Variants in SUGCT observed in about 807,000 individuals in gnomAD.
SUGCT encodes the protein succinyl-CoA:glutarate-CoA transferase.
A neutral mutation model predicts 55.0 loss-of-function variants in SUGCT; 41 were observed. That is an observed-to-expected ratio of 0.74 (90% CI 0.58 to 0.97). SUGCT has a LOEUF of 0.97. Ranked by LOEUF, SUGCT falls within the 50% of genes least tolerant of loss-of-function variation. The pLI is 0.00. For missense variants in SUGCT, 568 were observed against 547.8 expected, an observed-to-expected ratio of 1.04 and a Z score of -0.37; for synonymous variants, 187 against 200.4, an observed-to-expected ratio of 0.93 and a Z score of 0.56.
chr7:40,660,478 C>T (rs915753948), intron 12 of SUGCT, among the ~76,000 whole-genome samples: 12 of 152,072 alleles, frequency 7.9e-5, no homozygotes, highest in East Asian at 1.9e-4. Flanking sequence ...AGGCTGGTCT[C>T]GAACTCCTGA....
At chr7:40,183,694 G>A (rs1176711592) in intron 3 of SUGCT, among the ~76,000 whole-genome samples, 1 of 152,102 alleles carries the variant, frequency 6.6e-6, no homozygotes, top group Admixed American at 6.5e-5. Flanking sequence ...GTTTTGAAGC[G>A]GGAAACGCCT....
At chr7:40,428,818 A>G (rs1787736942) in intron 9 of SUGCT, among the ~76,000 whole-genome samples, 2 of 152,140 alleles carry the variant, frequency 1.3e-5, no homozygotes, top group South Asian at 4.1e-4. Context: ...TATGTTTGTC[A>G]GTGAGCTTTA....
chr7:40,439,064 GTATATATATATATATATATATA>G (rs1183426693), intron 9 of SUGCT, among the ~76,000 whole-genome samples: 8 of 27,192 alleles, frequency 2.9e-4, no homozygotes, highest in East Asian at 2.1e-3. Flanking sequence ...TATATATGGT[GTATATATATATATATATATATA>G]TATATATATA....
chr7:40,974,128 G>T, the SUGCT span, among the ~76,000 whole-genome samples: 1 of 152,154 alleles, frequency 6.6e-6, no homozygotes, highest in East Asian at 1.9e-4. Flanking sequence ...AGTCCATAGT[G>T]CCTAAAGAGC....
At chr7:40,991,140 C>G in the SUGCT span, among the ~76,000 whole-genome samples, 1 of 152,182 alleles carries the variant, frequency 6.6e-6, no homozygotes, top group African/African-American at 2.4e-5. Context: ...ATGTGCAACT[C>G]TTCCTTTCAC....
At chr7:41,036,721 G>A in the SUGCT span, among the ~76,000 whole-genome samples, 9 of 152,146 alleles carry the variant, frequency 5.9e-5, no homozygotes, top group African/African-American at 1.2e-4. Context: ...CCAAATCCCC[G>A]CCCAGGACAA....
chr7:40,138,999 C>T (rs1391849366), intron 1 of SUGCT, among the ~76,000 whole-genome samples: 1 of 151,966 alleles, frequency 6.6e-6, no homozygotes, highest in African/African-American at 2.4e-5. Context: ...TCAGGCTGGG[C>T]GTGGTGGCTT....
intron 8 of SUGCT, among the ~76,000 whole-genome samples, chr7:40,287,182 A>G (rs914985441): frequency 3.3e-5 from 5 of 152,102 alleles, no homozygotes; most frequent in Admixed American, 6.6e-5. Flanking sequence ...ACTTAATGTG[A>G]TCATATATTC....
At chr7:40,644,747 T>TC (rs1270331551) in intron 12 of SUGCT, among the ~76,000 whole-genome samples, 1 of 152,130 alleles carries the variant, frequency 6.6e-6, no homozygotes, top group Non-Finnish European at 1.5e-5. Flanking sequence ...AGGAGGAAGC[T>TC]CCTGTCATTC....
chr7:40,138,164 A>T (rs1271992613), intron 1 of SUGCT, among the ~76,000 whole-genome samples: 1 of 151,982 alleles, frequency 6.6e-6, no homozygotes, highest in Non-Finnish European at 1.5e-5. Flanking sequence ...CAACCCTCCA[A>T]GTCTCCATTG....
At chr7:40,845,786 C>A (rs1271055603) in intron 13 of SUGCT, among the ~76,000 whole-genome samples, 3 of 152,096 alleles carry the variant, frequency 2.0e-5, no homozygotes, top group African/African-American at 7.2e-5. Context: ...TTGATTCTCT[C>A]TTTGCTTGGA....
At chr7:40,854,372 G>A (rs1309717899) in intron 13 of SUGCT, among the ~76,000 whole-genome samples, 1 of 151,158 alleles carries the variant, frequency 6.6e-6, no homozygotes, top group African/African-American at 2.4e-5. Context: ...TCCTTAGCAG[G>A]TCCTTATTGT....
chr7:40,983,480 C>T, the SUGCT span, among the ~76,000 whole-genome samples: 6 of 152,158 alleles, frequency 3.9e-5, no homozygotes, highest in Non-Finnish European at 7.3e-5. Context: ...GGCTGCTTAG[C>T]ACAAAGTCCT....
chr7:40,958,129 A>G, the SUGCT span, among the ~76,000 whole-genome samples: 14 of 151,848 alleles, frequency 9.2e-5, no homozygotes. Flanking sequence ...GAATCTGACC[A>G]TTATGTGTCT....
intron 1 of SUGCT, among the ~76,000 whole-genome samples, chr7:40,173,151 C>T (rs1483673227): frequency 6.6e-6 from 1 of 152,176 alleles, no homozygotes; most frequent in East Asian, 1.9e-4. Context: ...GTGAGTGTTA[C>T]ACCTCTGTTA....
intron 13 of SUGCT, among the ~76,000 whole-genome samples, chr7:40,811,259 T>A (rs750481095): frequency 6.6e-5 from 10 of 152,178 alleles, no homozygotes; most frequent in Non-Finnish European, 1.0e-4. Context: ...TCTTTTTTGG[T>A]TCCATATGAA....
At chr7:40,556,976 C>T (rs766538061) in intron 12 of SUGCT, among the ~76,000 whole-genome samples, 4 of 152,110 alleles carry the variant, frequency 2.6e-5, no homozygotes, top group Non-Finnish European at 5.9e-5. Flanking sequence ...TATCAAAATC[C>T]CACTAGTGTT....
At chr7:41,029,731 T>C in the SUGCT span, among the ~76,000 whole-genome samples, 24 of 152,358 alleles carry the variant, frequency 1.6e-4, no homozygotes, top group African/African-American at 5.0e-4. Context: ...TTTGTTATAA[T>C]TGATGAACCA....
At chr7:40,837,296 G>A (rs538511586) in intron 13 of SUGCT, among the ~76,000 whole-genome samples, 4 of 151,938 alleles carry the variant, frequency 2.6e-5, no homozygotes, top group Admixed American at 6.6e-5. Flanking sequence ...ATTTTTACTC[G>A]AGTTTTGAGA....
Sources: allele counts gnomAD v4.1 joint callset (sites outside exome capture counted in the v4.1 genomes callset), GRCh38; gene constraint gnomAD v4.1.1; transcripts MANE v1.5; gene names NCBI Gene and HGNC (gene_info 2026-07-23, HGNC 2026-07-21).